C12orf42: variants seen among roughly 807,000 people sequenced by gnomAD.
C12orf42 encodes uncharacterized protein C12orf42.
Under a neutral mutation model 21.6 loss-of-function variants are expected in C12orf42, and 25 were observed. The ratio of observed to expected loss-of-function variants is 1.16; its 90% CI spans 0.84 to 1.62. The LOEUF is 1.62. Among genes scored for constraint, C12orf42 ranks in the 40% most tolerant of loss-of-function variants. The probability of loss-of-function intolerance (pLI) is 0.00; values close to 1 mark genes in which losing one functional copy is unlikely to be tolerated. For missense variants in C12orf42, 483 were observed against 459.3 expected, an observed-to-expected ratio of 1.05 and a Z score of -0.47; for synonymous variants, 174 against 175.0, an observed-to-expected ratio of 0.99 and a Z score of 0.05.
chr12:103,213,898 T>A, the C12orf42 span, among the ~76,000 whole-genome samples: 1 of 152,194 alleles, frequency 6.6e-6, no homozygotes, highest in East Asian at 1.9e-4. Context: ...ATTTCATGAA[T>A]CTCATTTTCC....
chr12:103,505,710 C>G, the C12orf42 span: 2 of 213,980 alleles, frequency 9.3e-6, no homozygotes, highest in Non-Finnish European at 9.2e-6. Context: ...AGGACAGTTT[C>G]TGACCAGCAG....
chr12:103,173,422 C>T, the C12orf42 span, among the ~76,000 whole-genome samples: 1 of 152,050 alleles, frequency 6.6e-6, no homozygotes, highest in South Asian at 2.1e-4. Flanking sequence ...TAAAGAAAAT[C>T]TCCTTCCCAC....
At chr12:103,117,217 C>A in the C12orf42 span, among the ~76,000 whole-genome samples, 2 of 152,202 alleles carry the variant, frequency 1.3e-5, no homozygotes, top group Non-Finnish European at 2.9e-5. Flanking sequence ...TCCAGCCTTT[C>A]CAGCTTCTAG....
the C12orf42 span, among the ~76,000 whole-genome samples, chr12:103,151,085 G>A: frequency 2.0e-5 from 3 of 152,036 alleles, no homozygotes; most frequent in African/African-American, 7.2e-5. Context: ...ACGCCACCAC[G>A]ACTGACTAAT....
intron 2 of C12orf42, among the ~76,000 whole-genome samples, chr12:103,451,816 C>G (rs1328204795): frequency 6.6e-6 from 1 of 151,924 alleles, no homozygotes; most frequent in Non-Finnish European, 1.5e-5. Flanking sequence ...CACCACTTTT[C>G]CAGGTTTTGC....
chr12:103,167,529 C>T, the C12orf42 span, among the ~76,000 whole-genome samples: 2 of 152,138 alleles, frequency 1.3e-5, no homozygotes, highest in Non-Finnish European at 2.9e-5. Flanking sequence ...CTTAACAGCT[C>T]CCTCAACCTG....
the C12orf42 span, among the ~76,000 whole-genome samples, chr12:103,075,529 A>G: frequency 2.0e-5 from 3 of 152,232 alleles, no homozygotes; most frequent in Non-Finnish European, 4.4e-5. Context: ...CCTAAGCACA[A>G]TATAACCATA....
At chr12:103,305,531 C>T (rs1490795603) in intron 5 of C12orf42, among the ~76,000 whole-genome samples, 1 of 152,162 alleles carries the variant, frequency 6.6e-6, no homozygotes, top group Non-Finnish European at 1.5e-5. Context: ...CCTTCTGGGC[C>T]ATGTCCTTAC....
rs1053864520 is a variant in C12orf42, at chr12:103,312,663, A to T, written c.260-6318T>A. On this transcript the variant is annotated intron_variant, in intron 4 of 5. Coordinates refer to ENST00000548883, the MANE Select transcript of C12orf42 (RefSeq NM_198521.5). ...GGGCTTTTTTGGTGTTTTGGTTGTT[A>T]AAAAAATTCTCCCAAATATTCAAGT... 1.2e-3 allele frequency among the ~76,000 whole-genome samples: 184 copies of T among 152,296 alleles called. 1 individual carries two copies. Among genetic ancestry groups the T allele is most frequent in the African/African-American group, 4.3e-3 (179 of 41,548 alleles).
intron 1 of C12orf42, among the ~76,000 whole-genome samples, chr12:103,488,972 A>G (rs959596615): frequency 2.0e-5 from 3 of 152,128 alleles, no homozygotes; most frequent in Admixed American, 6.5e-5. Context: ...TCATTCTCCA[A>G]CCAGCTTTGT....
the C12orf42 span, among the ~76,000 whole-genome samples, chr12:103,129,166 A>C: frequency 1.3e-5 from 2 of 152,160 alleles, no homozygotes; most frequent in Admixed American, 6.5e-5. Context: ...TGAAGACCAA[A>C]AACTGAACTG....
intron 4 of C12orf42, among the ~76,000 whole-genome samples, chr12:103,287,874 A>G (rs1329122742): frequency 6.6e-6 from 1 of 152,180 alleles, no homozygotes; most frequent in African/African-American, 2.4e-5. Flanking sequence ...GTTTTGTTAC[A>G]TTGCTTCTTC....
At chr12:103,515,225 T>C in the C12orf42 span, among the ~76,000 whole-genome samples, 21 of 152,370 alleles carry the variant, frequency 1.4e-4, no homozygotes, top group African/African-American at 4.8e-4. Flanking sequence ...TTGAATTGTC[T>C]TCCTTTTTGG....
chr12:103,067,155 A>G, the C12orf42 span, among the ~76,000 whole-genome samples: 1 of 152,180 alleles, frequency 6.6e-6, no homozygotes, highest in South Asian at 2.1e-4. Flanking sequence ...CTCTTCCATT[A>G]TGGAAAGGGC....
chr12:103,065,213 C>T, the C12orf42 span, among the ~76,000 whole-genome samples: 1 of 152,214 alleles, frequency 6.6e-6, no homozygotes, highest in South Asian at 2.1e-4. Context: ...TATTTGGCCT[C>T]TGCAGAAAAT....
the C12orf42 span, among the ~76,000 whole-genome samples, chr12:103,533,824 C>T: frequency 2.6e-5 from 4 of 152,138 alleles, no homozygotes; most frequent in Admixed American, 6.5e-5. Flanking sequence ...AACCTTTCAA[C>T]GATAGCACTT....
the C12orf42 span, among the ~76,000 whole-genome samples, chr12:103,084,752 G>A: frequency 1.3e-5 from 2 of 151,940 alleles, no homozygotes; most frequent in Admixed American, 1.3e-4. Flanking sequence ...AAGATGTTTT[G>A]GTACAATGAC....
chr12:103,060,531 A>G, the C12orf42 span, among the ~76,000 whole-genome samples: 3 of 152,212 alleles, frequency 2.0e-5, no homozygotes, highest in Non-Finnish European at 4.4e-5. Flanking sequence ...AATCCTAAGC[A>G]AAAAGAACAA....
At chr12:103,417,430 C>T (rs1381243826) in intron 2 of C12orf42, among the ~76,000 whole-genome samples, 2 of 152,218 alleles carry the variant, frequency 1.3e-5, no homozygotes, top group Non-Finnish European at 2.9e-5. Flanking sequence ...CTCCATTTGG[C>T]ATTTAAGAGC....
Sources: allele counts gnomAD v4.1 joint callset (sites outside exome capture counted in the v4.1 genomes callset), GRCh38; gene constraint gnomAD v4.1.1; transcripts MANE v1.5; gene names NCBI Gene and HGNC (gene_info 2026-07-23, HGNC 2026-07-21).